The following UBE3C variants were observed in gnomAD, a reference collection of about 807,000 sequenced individuals.
The protein encoded by UBE3C is ubiquitin protein ligase E3C.
Under a neutral mutation model 129.4 loss-of-function variants are expected in UBE3C, and 42 were observed. That is an observed-to-expected ratio of 0.32 (90% confidence interval 0.25 to 0.42). The LOEUF (loss-of-function observed/expected upper bound fraction) is 0.42, where lower values mean the gene tolerates loss of function less well. UBE3C is among the 10% of genes least tolerant of loss of function. The pLI is 1.00. For synonymous variants in UBE3C, 510 were observed against 492.4 expected (o/e 1.04, Z -0.47); for missense variants, 1,049 against 1,319.1 (o/e 0.80, Z 3.17).
At chr7:157,257,725 G>A (rs1796788267) in intron 22 of UBE3C, among the ~76,000 whole-genome samples, 3 of 114,674 alleles carry the variant, frequency 2.6e-5, no homozygotes, top group African/African-American at 1.1e-4. Flanking sequence ...CTGGGTGACA[G>A]AGTGAGACCC....
intron 22 of UBE3C, among the ~76,000 whole-genome samples, chr7:157,261,060 T>C (rs1217987246): frequency 1.3e-5 from 2 of 151,840 alleles, no homozygotes; most frequent in Admixed American, 6.6e-5. Context: ...CCCAGCACTT[T>C]GGGAGGCCAA....
At position 157,269,221 on chromosome 7, in the gene UBE3C, TTTA is replaced by T. The variant is rs1310469530; in HGVS notation, c.*1470_*1472del. Reference sequence around the variant, plus strand: ...ATATCTTATTAGTTAATTTGTATATTTTATTAGTATTTTGGAAATAGCATATCT... The same window carrying T: ...ATATCTTATTAGTTAATTTGTATATTTTAGTATTTTGGAAATAGCATATCT... On this transcript the variant is annotated 3_prime_UTR_variant, in exon 23 of 23. Coordinates refer to ENST00000348165, the MANE Select transcript of UBE3C (RefSeq NM_014671.3). 1 of 152,604 alleles carries T rather than the reference TTTA, an allele frequency of 6.6e-6. No homozygotes were observed. The highest frequency in any genetic ancestry group is 1.5e-5 in the Non-Finnish European group (1 of 68,036). 9.5% of individuals were successfully genotyped at this position (152,604 alleles called of 1,614,324 possible).
intron 10 of UBE3C, among the ~76,000 whole-genome samples, chr7:157,195,293 A>G (rs1809087196): frequency 6.6e-6 from 1 of 152,234 alleles, no homozygotes; most frequent in African/African-American, 2.4e-5. Flanking sequence ...TTTCTCGACA[A>G]TGTTATAGCA....
In UBE3C at chr7:157,257,022, G is replaced by T; in HGVS notation, c.3059G>T (p.Arg1020Leu). Residue 1020 changes from arginine to leucine, a missense_variant, in exon 22 of 23, where the codon CGA (arginine) becomes CTA (leucine). By Grantham distance (102) the Arg-to-Leu change is moderately radical (BLOSUM62 -2). This residue lies in a region of UBE3C where 243 missense variants were observed against 368.7 expected (regional missense o/e 0.66). Coordinates refer to ENST00000348165, the MANE Select transcript of UBE3C (RefSeq NM_014671.3). ...CTGAAGTTTGTAACAAGCTGCTCTC[G>T]ACCCCCTCTCTTGGGGTTTAAGGTA... is the stretch of plus-strand genomic sequence containing the variant. ...KLLKFVTSCS[R>L]PPLLGFKELY... The T allele has an allele frequency of 6.2e-7, 1 of 1,614,168 alleles. No individual in the cohort carries two copies. Among genetic ancestry groups the T allele is most frequent in the Admixed American group, 1.7e-5 (1 of 60,020 alleles).
chr7:157,207,749 G>C lies in UBE3C; in HGVS notation c.1623G>C (p.Glu541Asp). The part of the protein sequence containing the change: ...QSSMMPFTLE[E>D]LIMLSRCLRD... ...CAATGATGCCTTTTACTTTAGAAGA[G>C]CTGATAATGTTGTCTCGATGCCTTC... The change falls in exon 13 of 23, where the codon GAG (glutamate) becomes GAC (aspartate). Residue 541 changes from glutamate to aspartate, a missense_variant. Around this residue, in one of 4 missense-constraint regions of UBE3C, gnomAD observed 314 missense variants for 416.9 expected, o/e 0.75. Transcript: ENST00000348165. The C allele has an allele frequency of 6.2e-7, 1 of 1,614,098 alleles. No homozygotes were observed.
intron 1 of UBE3C, among the ~76,000 whole-genome samples, chr7:157,151,302 T>TA (rs1444452600): frequency 6.6e-6 from 1 of 152,254 alleles, no homozygotes; most frequent in Non-Finnish European, 1.5e-5. Context: ...TCTTACCTCT[T>TA]ACCTTCTGTA....
At chr7:157,168,335 A>C (rs1246037751) in intron 2 of UBE3C, among the ~76,000 whole-genome samples, 2 of 42,358 alleles carry the variant, frequency 4.7e-5, no homozygotes, top group Non-Finnish European at 7.7e-5. Context: ...ACTCTGTCTC[A>C]AAAAAAAAAA....
Position 157,178,680 on chromosome 7 carries a change from A to G in UBE3C, c.459-10A>G, listed in dbSNP as rs773936673. 7 of 1,609,112 alleles carry G rather than the reference A, an allele frequency of 4.4e-6. No individual in the cohort carries two copies. The South Asian group carries it at 7.7e-5, about 18-fold the overall frequency. On this transcript the variant is annotated splice_polypyrimidine_tract_variant and intron_variant, in intron 5 of 22. Coordinates refer to ENST00000348165, the MANE Select transcript of UBE3C (RefSeq NM_014671.3). ...CTGTAAGTGTGTGAATACTTTTTTC[A>G]TTTTTACAGGTTGCTGCAAAACTGT... is the stretch of plus-strand genomic sequence containing the variant.
intron 1 of UBE3C, among the ~76,000 whole-genome samples, chr7:157,146,318 T>G (rs1586640916): frequency 6.6e-6 from 1 of 152,214 alleles, no homozygotes; most frequent in East Asian, 1.9e-4. Flanking sequence ...CTCGGCTCAC[T>G]GCAACCTCTG....
chr7:157,156,151 T>C (rs187943278), intron 1 of UBE3C, among the ~76,000 whole-genome samples: 1 of 152,230 alleles, frequency 6.6e-6, no homozygotes, highest in East Asian at 1.9e-4. Flanking sequence ...TATTGAGCTG[T>C]TTTTAGAACT....
intron 10 of UBE3C, chr7:157,192,424 C>T (rs1808994664): frequency 6.9e-6 from 5 of 725,724 alleles, no homozygotes. Flanking sequence ...AGGTTGAACC[C>T]TTGGATATGA....
intron 9 of UBE3C, among the ~76,000 whole-genome samples, chr7:157,185,635 G>A (rs1235159393): frequency 6.6e-6 from 1 of 152,048 alleles, no homozygotes; most frequent in Non-Finnish European, 1.5e-5. Context: ...AACCTAATGT[G>A]ATTGTATGAG....
chr7:157,216,582 C>T (rs917799447), intron 13 of UBE3C, among the ~76,000 whole-genome samples: 2 of 152,036 alleles, frequency 1.3e-5, no homozygotes, highest in African/African-American at 2.4e-5. Context: ...ATGTAGCTCC[C>T]GCCAAATTTG....
chr7:157,140,661 C>A (rs1807417763), intron 1 of UBE3C, among the ~76,000 whole-genome samples: 1 of 152,190 alleles, frequency 6.6e-6, no homozygotes, highest in Non-Finnish European at 1.5e-5. Flanking sequence ...AAGCTAGTGG[C>A]AGACCATCTG....
At chr7:157,208,443 A>G (rs923330454) in intron 13 of UBE3C, among the ~76,000 whole-genome samples, 2 of 152,236 alleles carry the variant, frequency 1.3e-5, no homozygotes, top group Non-Finnish European at 2.9e-5. Flanking sequence ...TTAATTAACT[A>G]AAATTACTTT....
chr7:157,243,346 C>T (rs1394694782), intron 18 of UBE3C, among the ~76,000 whole-genome samples: 4 of 152,168 alleles, frequency 2.6e-5, no homozygotes. Context: ...ATTTGGGCAG[C>T]CTCTGTAGAG....
chr7:157,232,859 C>T (rs771077045), intron 18 of UBE3C, among the ~76,000 whole-genome samples: 9 of 152,084 alleles, frequency 5.9e-5, no homozygotes, highest in Non-Finnish European at 1.0e-4. Context: ...ACAGGTGGTG[C>T]TTTTAGGACT....
intron 1 of UBE3C, among the ~76,000 whole-genome samples, chr7:157,152,475 G>A (rs1807784066): frequency 6.6e-6 from 1 of 152,196 alleles, no homozygotes; most frequent in African/African-American, 2.4e-5. Flanking sequence ...AAAACCTGCA[G>A]TGGGCATTTT....
At chr7:157,195,159 CAT>C (rs1465530575) in intron 10 of UBE3C, among the ~76,000 whole-genome samples, 1 of 152,176 alleles carries the variant, frequency 6.6e-6, no homozygotes, top group African/African-American at 2.4e-5. Context: ...GAGTGTGAAT[CAT>C]AGATCCTCCC....
Sources: gnomAD v4.1 joint callset for allele counts (sites outside exome capture counted in the v4.1 genomes callset) on GRCh38, gnomAD v4.1.1 for gene constraint, gnomAD v4.1.1 regional missense constraint, MANE v1.5 for transcripts, NCBI Gene and HGNC (gene_info 2026-07-23, HGNC 2026-07-21) for gene names.